Variants in UTP23 observed in about 807,000 individuals in gnomAD.
UTP23 encodes UTP23 small subunit processome component, also known as rRNA-processing protein UTP23 homolog.
In UTP23, 10 loss-of-function variants were observed where a neutral mutation model predicts 19.8. The observed-to-expected ratio is 0.50, with a 90% CI of 0.31 to 0.86. UTP23 has a LOEUF of 0.86. Among genes scored for constraint, UTP23 ranks in the 40% least tolerant of loss-of-function variants. UTP23 has a pLI of 0.05. For synonymous variants in UTP23, 108 were observed against 105.4 expected, an observed-to-expected ratio of 1.02 and a Z score of -0.15; for missense variants, 282 against 293.1, an observed-to-expected ratio of 0.96 and a Z score of 0.28.
rs1345939713 is a variant in UTP23 at position 116,770,263 on chromosome 8, A to G, written c.260A>G (p.Gln87Arg). The change falls in exon 2 of 3, where the codon CAA becomes CGA. Residue 87 changes from glutamine to arginine, a missense_variant. Coordinates refer to ENST00000309822, the MANE Select transcript of UTP23 (RefSeq NM_032334.3). Reference protein sequence around the residue: ...YGAKLIAQKCQVRNCPHFKNA... With the variant: ...YGAKLIAQKCRVRNCPHFKNA... The stretch of plus-strand genomic sequence containing the variant: ...GCAAAACTGATTGCACAAAAATGCC[A>G]AGTTCGAAATTGTCCTCATTTCAAG... 2 of 1,614,104 alleles carry G rather than the reference A, an allele frequency of 1.2e-6. No homozygotes were observed. The highest frequency in any genetic ancestry group is 1.7e-6 in the Non-Finnish European group (2 of 1,179,962).
chr8:116,769,808 G>C (rs768088147), intron 1 of UTP23, among the ~76,000 whole-genome samples: 5 of 152,172 alleles, frequency 3.3e-5, no homozygotes, highest in Non-Finnish European at 7.3e-5. Context: ...CAAGGGAGCT[G>C]TTGTCAAACT....
rs182943764 is a variant in UTP23 at position 116,768,067 on chromosome 8, A to G, written c.188+1276A>G. On this transcript the variant is annotated intron_variant, in intron 1 of 2. Coordinates refer to ENST00000309822, the MANE Select transcript of UTP23 (RefSeq NM_032334.3). ...GAAACCCCCATCTCTAACTACAGCCATAACAAAGTATGGGCTTTTTCTGTG... is the reference window on the plus strand; with the variant it reads ...GAAACCCCCATCTCTAACTACAGCCGTAACAAAGTATGGGCTTTTTCTGTG... 4.4e-3 allele frequency among the ~76,000 whole-genome samples: 677 copies of G among 152,288 alleles called. 7 individuals are homozygous for G. Among genetic ancestry groups the G allele is most frequent in the Middle Eastern group, 0.014 (4 of 294 alleles).
intron 1 of UTP23, among the ~76,000 whole-genome samples, chr8:116,768,854 C>CT (rs1018294361): frequency 8.9e-4 from 135 of 152,212 alleles, no homozygotes; most frequent in African/African-American, 3.1e-3. Context: ...TTAGCAGAGA[C>CT]AATGTTTCAC....
chr8:116,769,224 C>T lies in UTP23; in HGVS notation c.189-968C>T, dbSNP rs984438378. On this transcript the variant is annotated intron_variant, in intron 1 of 2. Coordinates refer to ENST00000309822, the MANE Select transcript of UTP23 (RefSeq NM_032334.3). Reference sequence around the variant, plus strand: ...AGGGTAAATTGGAGAAACAAGAGAGCAAAGGCATGAATCTGTTTTGCGGTT... The same window carrying T: ...AGGGTAAATTGGAGAAACAAGAGAGTAAAGGCATGAATCTGTTTTGCGGTT... 5.9e-5 allele frequency among the ~76,000 whole-genome samples: 9 copies of T among 152,162 alleles called. No homozygotes were observed. In the South Asian group the frequency reaches 8.3e-4, roughly 14 times the overall value.
In UTP23 at chr8:116,774,122, T is replaced by G. The variant is rs1396612124; in HGVS notation, c.*2280T>G. On this transcript the variant is annotated 3_prime_UTR_variant, in exon 3 of 3. Coordinates refer to ENST00000309822, the MANE Select transcript of UTP23 (RefSeq NM_032334.3). Reference sequence around the variant, plus strand: ...CTACTAGCTTTGTTGGGGATAAAAGTGTAATACATGCACTTTTGAACTCTG... The same window carrying G: ...CTACTAGCTTTGTTGGGGATAAAAGGGTAATACATGCACTTTTGAACTCTG... 1.0e-6 allele frequency: 1 copy of G among 985,300 alleles called. No individual in the cohort carries two copies. The highest frequency in any genetic ancestry group is 1.7e-5 in the African/African-American group (1 of 57,226). The allele number at this position is 985,300 out of a possible 1,614,324, so 61.0% of individuals were successfully genotyped here. A position where few individuals can be genotyped will look rare whatever the true frequency, so the allele number is the denominator to read the frequency against.
rs1045821760 is a variant in UTP23, at chr8:116,773,786, G to A, written c.*1944G>A. On this transcript the variant is annotated 3_prime_UTR_variant, in exon 3 of 3. Coordinates refer to ENST00000309822, the MANE Select transcript of UTP23 (RefSeq NM_032334.3). Reference sequence around the variant, plus strand: ...GATCATGCCACTGCACTCCAGCCTGGTGAGAGAGTGAAACCCCGTCTCAAA... The same window carrying A: ...GATCATGCCACTGCACTCCAGCCTGATGAGAGAGTGAAACCCCGTCTCAAA... The A allele has an allele frequency of 3.5e-6, 2 of 579,572 alleles. No homozygotes were observed. Among genetic ancestry groups the A allele is most frequent in the Admixed American group, 1.3e-4 (2 of 15,712 alleles). 35.9% of individuals were successfully genotyped at this position (579,572 alleles called of 1,614,324 possible).
Position 116,766,526 on chromosome 8 carries a change from C to T in UTP23, c.-78C>T. ...GCGCTTCATTTCCGGGTGAAACTGG[C>T]ATTGAGGGTACTGGGGCGTGCGTGA... On this transcript the variant is annotated 5_prime_UTR_variant, in exon 1 of 3. Transcript: ENST00000309822. 1 of 1,455,894 alleles carries T rather than the reference C, an allele frequency of 6.9e-7. No individual in the cohort carries two copies. 90.2% of individuals were successfully genotyped at this position (1,455,894 alleles called of 1,614,324 possible).
In UTP23 at chr8:116,774,431, G is replaced by T. The variant is rs1006937817; in HGVS notation, c.*2589G>T. 6 of 982,914 alleles carry T rather than the reference G, an allele frequency of 6.1e-6. No individual in the cohort carries two copies. The African/African-American group carries it at 8.8e-5, about 14-fold the overall frequency. 60.9% of individuals were successfully genotyped at this position (982,914 alleles called of 1,614,324 possible). ...TTTAATTGCTAGTTTTTTATAGGTG[G>T]ATAGAAATGAATAGTTTGGAGTCTT... is the stretch of plus-strand genomic sequence containing the variant. On this transcript the variant is annotated 3_prime_UTR_variant, in exon 3 of 3. Transcript: ENST00000309822.
chr8:116,770,524 A>G (rs2131024299), intron 2 of UTP23, 158 bp downstream of exon 2: 1 of 665,484 alleles, frequency 1.5e-6, no homozygotes, highest in Non-Finnish European at 2.3e-6. Context: ...TCATTTGAGA[A>G]TTTGAGGAAA....
chr8:116,768,751 G>T (rs556198631), intron 1 of UTP23, among the ~76,000 whole-genome samples: 1 of 152,112 alleles, frequency 6.6e-6, no homozygotes, highest in Non-Finnish European at 1.5e-5. Context: ...TGCAGCCTCC[G>T]CCTCCCGGGT....
At chr8:116,770,095 T>G (rs1815630851) in intron 1 of UTP23, 97 bp from the exon 2 acceptor site, 1 of 1,199,824 alleles carries the variant, frequency 8.3e-7, no homozygotes, top group African/African-American at 1.5e-5. Context: ...AAATTTAGAT[T>G]GTAACAGCAT....
Position 116,773,541 on chromosome 8 carries a change from G to A in UTP23, c.*1699G>A. ...AAGTTTAATATTTTGACAGGGCATG[G>A]TGGCTCACACCTGTAATCCCAGCAC... On this transcript the variant is annotated 3_prime_UTR_variant, in exon 3 of 3. Transcript: ENST00000309822. 1 of 975,670 alleles carries A rather than the reference G, an allele frequency of 1.0e-6. No individual in the cohort carries two copies. Among genetic ancestry groups the A allele is most frequent in the Non-Finnish European group, 1.2e-6 (1 of 821,132 alleles). 60.4% of individuals were successfully genotyped at this position (975,670 alleles called of 1,614,324 possible).
Position 116,773,399 on chromosome 8 carries a change from C to T in UTP23, c.*1557C>T. On this transcript the variant is annotated 3_prime_UTR_variant, in exon 3 of 3. Coordinates refer to ENST00000309822, the MANE Select transcript of UTP23 (RefSeq NM_032334.3). ...TTTAGGTATTACTCTTAATCTATTT[C>T]TACTTAGTCAGTGCTATCTGATTAC... 2 of 978,502 alleles carry T rather than the reference C, an allele frequency of 2.0e-6. No individual in the cohort carries two copies. Among genetic ancestry groups the T allele is most frequent in the Non-Finnish European group, 2.4e-6 (2 of 823,678 alleles). The allele number at this position is 978,502 out of a possible 1,614,324, so 60.6% of individuals were successfully genotyped here.
Position 116,773,039 on chromosome 8 carries a change from C to A in UTP23, c.*1197C>A. On this transcript the variant is annotated 3_prime_UTR_variant, in exon 3 of 3. Coordinates refer to ENST00000309822, the MANE Select transcript of UTP23 (RefSeq NM_032334.3). Reference sequence around the variant, plus strand: ...AAATGTGAGACAGTTCACATTTATTCCCATAGAAATGTCATTCTCATTTGA... The same window carrying A: ...AAATGTGAGACAGTTCACATTTATTACCATAGAAATGTCATTCTCATTTGA... 1 of 977,578 alleles carries A rather than the reference C, an allele frequency of 1.0e-6. No individual in the cohort carries two copies. Among genetic ancestry groups the A allele is most frequent in the Non-Finnish European group, 1.2e-6 (1 of 827,522 alleles). 60.6% of individuals were successfully genotyped at this position (977,578 alleles called of 1,614,324 possible).
chr8:116,772,602 G>C lies in UTP23; in HGVS notation c.*760G>C. Reference sequence around the variant, plus strand: ...CTCAGTATTTTCATTATTATGACTAGAGTTTTTTTGTTTGTTTGTTTGAGT... The same window carrying C: ...CTCAGTATTTTCATTATTATGACTACAGTTTTTTTGTTTGTTTGTTTGAGT... On this transcript the variant is annotated 3_prime_UTR_variant, in exon 3 of 3. Transcript: ENST00000309822. 1 of 984,330 alleles carries C rather than the reference G, an allele frequency of 1.0e-6. No individual in the cohort carries two copies. The highest frequency in any genetic ancestry group is 1.2e-6 in the Non-Finnish European group (1 of 829,030). The allele number at this position is 984,330 out of a possible 1,614,324, so 61.0% of individuals were successfully genotyped here.
At chr8:116,768,663 T>A (rs1815614940) in intron 1 of UTP23, among the ~76,000 whole-genome samples, 1 of 152,214 alleles carries the variant, frequency 6.6e-6, no homozygotes, top group Non-Finnish European at 1.5e-5. Flanking sequence ...CACTTAAGTT[T>A]TTTAAAAAAA....
chr8:116,770,883 A>G (rs1815642951), intron 2 of UTP23: 1 of 153,076 alleles, frequency 6.5e-6, no homozygotes, highest in South Asian at 2.0e-4. Context: ...TGTATTTCAT[A>G]CTGTTTCTCA....
rs1815663125 is a variant in UTP23, at chr8:116,771,987, A to G, written c.*145A>G. On this transcript the variant is annotated 3_prime_UTR_variant, in exon 3 of 3. Coordinates refer to ENST00000309822, the MANE Select transcript of UTP23 (RefSeq NM_032334.3). ...TAATTATAAAATAAAAACAGTGACC[A>G]GTCTAGCCAGCATGGCAAAACCCCA... 6.6e-6 allele frequency: 9 copies of G among 1,371,870 alleles called. No homozygotes were observed. Among genetic ancestry groups the G allele is most frequent in the Non-Finnish European group, 8.4e-6 (9 of 1,070,138 alleles). 85.0% of individuals were successfully genotyped at this position (1,371,870 alleles called of 1,614,324 possible).
rs770205942 is a variant in UTP23 at position 116,770,316 on chromosome 8, C to G, written c.313C>G (p.Leu105Val). The G allele has an allele frequency of 1.9e-6, 3 of 1,613,934 alleles. No individual in the cohort carries two copies. Among genetic ancestry groups the G allele is most frequent in the Non-Finnish European group, 2.5e-6 (3 of 1,179,884 alleles). Residue 105 changes from leucine to valine, a missense_variant, in exon 2 of 3, where the codon CTT becomes GTT. Coordinates refer to ENST00000309822, the MANE Select transcript of UTP23 (RefSeq NM_032334.3). ...KNAVSGSECL[L>V]SMVEEGNPHH... ...TGCAGTGAGTGGATCAGAATGTCTG[C>G]TTTCCATGGTTGAAGAGGGAAATCC...
Sources: gnomAD v4.1 joint callset for allele counts (sites outside exome capture counted in the v4.1 genomes callset) on GRCh38, gnomAD v4.1.1 for gene constraint, MANE v1.5 for transcripts, NCBI Gene and HGNC (gene_info 2026-07-23, HGNC 2026-07-21) for gene names.